Variants in ME1 observed in about 807,000 individuals in gnomAD.
ME1 encodes malic enzyme 1, also known as NADP-dependent malic enzyme.
In ME1, 74 loss-of-function variants were observed where a neutral mutation model predicts 66.4. The ratio of observed to expected loss-of-function variants is 1.11; its 90% confidence interval spans 0.92 to 1.35. ME1 has a LOEUF of 1.35. Ranked by LOEUF, ME1 falls within the 40% of genes most tolerant of loss-of-function variation. The pLI is 0.00. For synonymous variants in ME1, 251 were observed against 235.6 expected (o/e 1.07, Z -0.60); for missense variants, 750 against 694.1 (o/e 1.08, Z -0.90).
intron 11 of ME1, among the ~76,000 whole-genome samples, chr6:83,224,695 A>AT (rs1481494863): frequency 1.0e-4 from 11 of 109,786 alleles, no homozygotes; most frequent in Admixed American, 5.6e-4. Context: ...AAAAAAAAAA[A>AT]AATAAAAATA....
intron 3 of ME1, among the ~76,000 whole-genome samples, chr6:83,376,571 CG>C (rs1485589852): frequency 6.7e-6 from 1 of 150,352 alleles, no homozygotes; most frequent in African/African-American, 2.5e-5. Flanking sequence ...GAGGCCAAGG[CG>C]GGCTGATCCC....
At chr6:83,240,394 C>T (rs904171097) in intron 7 of ME1, among the ~76,000 whole-genome samples, 3 of 152,002 alleles carry the variant, frequency 2.0e-5, no homozygotes, top group African/African-American at 7.2e-5. Flanking sequence ...AAAACTAATG[C>T]AAAATTTCTT....
intron 5 of ME1, among the ~76,000 whole-genome samples, chr6:83,322,585 G>A (rs979628399): frequency 6.6e-6 from 1 of 152,104 alleles, no homozygotes; most frequent in Non-Finnish European, 1.5e-5. Flanking sequence ...ATGAAATAAA[G>A]TTTGAAGACA....
chr6:83,275,936 A>G (rs1306719708), intron 6 of ME1, among the ~76,000 whole-genome samples: 1 of 149,060 alleles, frequency 6.7e-6, no homozygotes, highest in Non-Finnish European at 1.5e-5. Context: ...CGCCCAGCTA[A>G]TTTTTTTGTA....
intron 3 of ME1, among the ~76,000 whole-genome samples, chr6:83,357,933 C>CTATATA (rs1768926544): frequency 1.3e-4 from 6 of 44,958 alleles, no homozygotes; most frequent in East Asian, 7.5e-4. Context: ...CTCTCTCTCT[C>CTATATA]TCTATATATA....
At position 83,315,317 on chromosome 6, in the gene ME1, A is replaced by G; in HGVS notation, c.697T>C (p.Ser233Pro). The G allele has an allele frequency of 6.3e-7, 1 of 1,594,822 alleles. No homozygotes were observed. Among genetic ancestry groups the G allele is most frequent in the South Asian group, 1.1e-5 (1 of 89,948 alleles). Residue 233 changes from serine (S) to proline (P), a missense_variant, in exon 6 of 14, where the codon TCT becomes CCT. Coordinates refer to ENST00000369705, the MANE Select transcript of ME1 (RefSeq NM_002395.6). ...TTAAATAAAGATACATACTTGGAAG[A>G]AACTGCCTCCATGAATTCGTCCAAA... The part of the protein sequence containing the change: ...DFLDEFMEAV[S>P]SKYGMNCLIQ...
chr6:83,316,805 A>G (rs937831128), intron 5 of ME1, among the ~76,000 whole-genome samples: 2 of 152,126 alleles, frequency 1.3e-5, no homozygotes, highest in African/African-American at 4.8e-5. Flanking sequence ...GAAATAAAAT[A>G]TACAACTCCA....
chr6:83,373,438 T>C (rs951831157), intron 3 of ME1, among the ~76,000 whole-genome samples: 5 of 152,152 alleles, frequency 3.3e-5, no homozygotes, highest in Admixed American at 2.0e-4. Context: ...TTTCACCTGC[T>C]GGCCAGGCTG....
intron 1 of ME1, among the ~76,000 whole-genome samples, chr6:83,410,417 T>C (rs1181141898): frequency 6.6e-6 from 1 of 152,148 alleles, no homozygotes; most frequent in Non-Finnish European, 1.5e-5. Flanking sequence ...GATATTTGTA[T>C]GAAAAAGTAA....
At chr6:83,324,078 T>C (rs1207673393) in intron 5 of ME1, among the ~76,000 whole-genome samples, 1 of 152,078 alleles carries the variant, frequency 6.6e-6, no homozygotes, top group Non-Finnish European at 1.5e-5. Context: ...AACCTGCTCC[T>C]GAACGACTAC....
intron 3 of ME1, among the ~76,000 whole-genome samples, chr6:83,369,671 C>CAAAG: frequency 1.4e-5 from 1 of 72,302 alleles, no homozygotes; most frequent in East Asian, 3.4e-4. Context: ...AAGGAAGGAA[C>CAAAG]GAAGGAAGGA....
intron 2 of ME1, 69 bp downstream of exon 2, chr6:83,407,699 C>T: frequency 3.7e-6 from 5 of 1,365,316 alleles, no homozygotes; most frequent in Non-Finnish European, 4.8e-6. Context: ...TTCATTTTCT[C>T]ACCCAATAAA....
At chr6:83,367,451 T>C (rs1279648262) in intron 3 of ME1, among the ~76,000 whole-genome samples, 1 of 152,228 alleles carries the variant, frequency 6.6e-6, no homozygotes, top group African/African-American at 2.4e-5. Context: ...TGGCATCTTC[T>C]TCCAATAGAA....
At chr6:83,320,221 A>G (rs1768125339) in intron 5 of ME1, among the ~76,000 whole-genome samples, 1 of 152,232 alleles carries the variant, frequency 6.6e-6, no homozygotes, top group African/African-American at 2.4e-5. Context: ...AATTGTTTTA[A>G]GCCACTGAGA....
chr6:83,385,524 T>G (rs1311923357), intron 3 of ME1, among the ~76,000 whole-genome samples: 1 of 151,924 alleles, frequency 6.6e-6, no homozygotes, highest in Admixed American at 6.6e-5. Flanking sequence ...AATCTCTAGA[T>G]GAATATGGAG....
rs6936872 is a variant in ME1 at position 83,385,477 on chromosome 6, C to T, written c.362+12890G>A. Among the ~76,000 whole-genome samples the T allele has an allele frequency of 4.6e-3, 703 of 151,932 alleles. 13 individuals carry two copies. Among genetic ancestry groups the T allele is most frequent in the African/African-American group, 0.016 (646 of 41,352 alleles). ...GATTGTACAAAAGTTATTTTTGGAT[C>T]CTAAACTAAATTTCCATTCAAGTTT... On this transcript the variant is annotated intron_variant, in intron 3 of 13. Coordinates refer to ENST00000369705, the MANE Select transcript of ME1 (RefSeq NM_002395.6).
chr6:83,287,450 A>G (rs920847411), intron 6 of ME1, among the ~76,000 whole-genome samples: 1 of 152,162 alleles, frequency 6.6e-6, no homozygotes. Context: ...GATGGTTTCT[A>G]GCTTCATCCA....
chr6:83,213,540 C>CT (rs1789938632), intron 13 of ME1, among the ~76,000 whole-genome samples: 1 of 152,004 alleles, frequency 6.6e-6, no homozygotes. Flanking sequence ...AATTTCTGTA[C>CT]TTTTTTAGAA....
At chr6:83,274,088 C>T (rs1767133259) in intron 6 of ME1, among the ~76,000 whole-genome samples, 1 of 152,080 alleles carries the variant, frequency 6.6e-6, no homozygotes, top group Admixed American at 6.5e-5. Context: ...ATATTGTCAC[C>T]TAATGCTCTG....
Sources: allele counts gnomAD v4.1 joint callset (sites outside exome capture counted in the v4.1 genomes callset), GRCh38; gene constraint gnomAD v4.1.1; transcripts MANE v1.5; gene names NCBI Gene and HGNC (gene_info 2026-07-23, HGNC 2026-07-21).